The following TMEM223 variants were observed in gnomAD, a reference collection of about 807,000 sequenced individuals.
The protein encoded by TMEM223 is transmembrane protein 223.
A neutral mutation model predicts 14.1 loss-of-function variants in TMEM223; 14 were observed. The ratio of observed to expected loss-of-function variants is 0.99; its 90% confidence interval spans 0.66 to 1.55. TMEM223 has a LOEUF of 1.55. Ranked by LOEUF, TMEM223 falls within the 40% of genes most tolerant of loss-of-function variation. TMEM223 has a pLI of 0.00. For synonymous variants in TMEM223, 145 were observed against 120.5 expected, an observed-to-expected ratio of 1.20 and a Z score of -1.33; for missense variants, 346 against 269.9, an observed-to-expected ratio of 1.28 and a Z score of -1.97.
At chr11:62,781,571 G>A (rs1032600470) in intron 1 of TMEM223, among the ~76,000 whole-genome samples, 2 of 151,396 alleles carry the variant, frequency 1.3e-5, no homozygotes, top group Admixed American at 6.6e-5. Flanking sequence ...CTACTCGGGA[G>A]GCTGAGGCAG....
In TMEM223 at chr11:62,790,358, G is replaced by A. The variant is rs903154680; in HGVS notation, c.*265C>T. On this transcript the variant is annotated 3_prime_UTR_variant, in exon 2 of 2. Coordinates refer to ENST00000307366, the MANE Select transcript of TMEM223 (RefSeq NM_001080501.3). Reference sequence around the variant, plus strand: ...TTAGGCAGCTGCCCTAGGGATGACTGCTCCTTTATTTGTTGTTAATGAATC... The same window carrying A: ...TTAGGCAGCTGCCCTAGGGATGACTACTCCTTTATTTGTTGTTAATGAATC... 1 of 546,992 alleles carries A rather than the reference G, an allele frequency of 1.8e-6. No homozygotes were observed. The highest frequency in any genetic ancestry group is 3.2e-6 in the Non-Finnish European group (1 of 313,238). The allele number at this position is 546,992 out of a possible 1,614,324, so 33.9% of individuals were successfully genotyped here.
downstream of TMEM223, chr11:62,789,409 C>T: frequency 6.2e-7 from 1 of 1,613,900 alleles, no homozygotes; most frequent in South Asian, 1.1e-5. Flanking sequence ...CCATCATCTC[C>T]TTGAACACTA....
downstream of TMEM223, chr11:62,787,716 C>A: frequency 1.3e-6 from 1 of 764,868 alleles, no homozygotes; most frequent in Non-Finnish European, 2.1e-6. Context: ...CTGGCCAGGT[C>A]ATACTTCGAA....
intron 1 of TMEM223, chr11:62,775,874 G>C (rs2084184066): frequency 1.2e-6 from 2 of 1,614,042 alleles, no homozygotes; most frequent in East Asian, 4.5e-5. Flanking sequence ...GCTGAGCGAT[G>C]AGGTGGCGGC....
downstream of TMEM223, among the ~76,000 whole-genome samples, chr11:62,784,757 A>G (rs544975033): frequency 5.3e-5 from 8 of 152,200 alleles, no homozygotes; most frequent in Non-Finnish European, 1.0e-4. Context: ...TCCATGATAC[A>G]CTAAACTATG....
intron 1 of TMEM223, chr11:62,777,915 C>T: frequency 1.9e-6 from 3 of 1,582,090 alleles, no homozygotes; most frequent in Non-Finnish European, 2.6e-6. Flanking sequence ...GAGCCTCATC[C>T]TGGATCCTGA....
At chr11:62,772,077 T>A (rs1020470653) in exon 3 of TMEM223, 3 of 456,234 alleles carry the variant, frequency 6.6e-6, no homozygotes, top group Non-Finnish European at 1.3e-5. Flanking sequence ...CAGTGCTTAC[T>A]TCATGATCTT....
chr11:62,779,052 C>T, intron 1 of TMEM223: 1 of 1,142,326 alleles, frequency 8.8e-7, no homozygotes, highest in Admixed American at 1.9e-5. Flanking sequence ...CAGAGTTTCG[C>T]TCTTGTTGCC....
rs768293846 is a variant in TMEM223 at position 62,791,909 on chromosome 11, G to C, written c.86C>G (p.Thr29Arg). The change falls in exon 1 of 2, where the codon ACG becomes AGG. Residue 29 changes from threonine to arginine, a missense_variant. Thr to Arg is a moderately conservative substitution (Grantham distance 71). Transcript: ENST00000307366. ...LLTCRPLQGTTLQRDVLLFEH... is the reference protein window; with the variant it reads ...LLTCRPLQGTRLQRDVLLFEH... ...AAAGAGCAGCACATCCCGTTGCAGC[G>C]TCGTGCCTTGCAGGGGCCGGCAGGT... 31 of 1,600,634 alleles carry C rather than the reference G, an allele frequency of 1.9e-5. No individual in the cohort carries two copies. Among genetic ancestry groups the C allele is most frequent in the Non-Finnish European group, 2.6e-5 (31 of 1,174,130 alleles).
downstream of TMEM223, chr11:62,787,902 C>T (rs142016442): frequency 1.4e-3 from 764 of 531,582 alleles, 5 homozygotes; most frequent in African/African-American, 7.9e-3. Context: ...AGAAATAAAG[C>T]ATAGTGTAGT....
chr11:62,786,178 G>A, downstream of TMEM223: 1 of 1,522,348 alleles, frequency 6.6e-7, no homozygotes, highest in Non-Finnish European at 9.0e-7. Flanking sequence ...CAGAGATAAA[G>A]GTAGGTCTTT....
downstream of TMEM223, chr11:62,786,699 G>C (rs1448287611): frequency 5.0e-6 from 8 of 1,612,462 alleles, no homozygotes; most frequent in Non-Finnish European, 5.9e-6. Context: ...TGCCGCCAGG[G>C]GGCGCGGGGC....
At chr11:62,788,912 A>G (rs769767076), downstream of TMEM223, 4 of 1,246,242 alleles carry the variant, frequency 3.2e-6, no homozygotes, top group Non-Finnish European at 3.4e-6. Context: ...CGGTGCACAA[A>G]TAACTTCCTG....
In TMEM223 at chr11:62,790,441, GT is replaced by G. The variant is rs370883948; in HGVS notation, c.*181del. On this transcript the variant is annotated 3_prime_UTR_variant, in exon 2 of 2. Coordinates refer to ENST00000307366, the MANE Select transcript of TMEM223 (RefSeq NM_001080501.3). ...CATTCTAAGATTGGCGTTTTTTTTT[GT>G]TTTTTTTTTTGTAAATAGAGACAAG... 4,209 of 444,134 alleles carry G rather than the reference GT, an allele frequency of 9.5e-3. No individual in the cohort carries two copies. Among genetic ancestry groups the G allele is most frequent in the Non-Finnish European group, 0.01 (2,705 of 260,022 alleles). 27.5% of individuals were successfully genotyped at this position (444,134 alleles called of 1,614,324 possible). A position where few individuals can be genotyped will look rare whatever the true frequency, so the allele number is the denominator to read the frequency against.
chr11:62,781,309 T>C (rs1160287890), intron 1 of TMEM223, among the ~76,000 whole-genome samples: 1 of 152,034 alleles, frequency 6.6e-6, no homozygotes, highest in African/African-American at 2.4e-5. Context: ...GTATCAACTA[T>C]GATTACTCTC....
intron 1 of TMEM223, chr11:62,779,017 C>CTTTTTT: frequency 7.9e-7 from 1 of 1,263,840 alleles, no homozygotes; most frequent in African/African-American, 1.5e-5. Flanking sequence ...AATTCTAGAC[C>CTTTTTT]TGTTTTTTTT....
chr11:62,784,515 C>G (rs1486656913), downstream of TMEM223, among the ~76,000 whole-genome samples: 1 of 151,802 alleles, frequency 6.6e-6, no homozygotes, highest in African/African-American at 2.4e-5. Context: ...ACCGTGTTAG[C>G]CAGGATGGTC....
Position 62,790,072 on chromosome 11 carries a change from G to A in TMEM223, c.*551C>T, listed in dbSNP as rs777384962. Reference sequence around the variant, plus strand: ...AAGAATAAGCGGAGTGCTTCCTGCAGCCGAAGACTCCATGCCCAAGTGCCT... The same window carrying A: ...AAGAATAAGCGGAGTGCTTCCTGCAACCGAAGACTCCATGCCCAAGTGCCT... On this transcript the variant is annotated 3_prime_UTR_variant, in exon 2 of 2. Coordinates refer to ENST00000307366, the MANE Select transcript of TMEM223 (RefSeq NM_001080501.3). The A allele has an allele frequency of 1.9e-6, 3 of 1,583,100 alleles. No homozygotes were observed. Among genetic ancestry groups the A allele is most frequent in the African/African-American group, 2.7e-5 (2 of 74,096 alleles).
chr11:62,787,629 G>C (rs181800212), downstream of TMEM223: 7 of 1,369,954 alleles, frequency 5.1e-6, no homozygotes, highest in African/African-American at 8.8e-5. Context: ...GCTCGGAGCC[G>C]GTGGACCTGG....
Sources: gnomAD v4.1 joint callset for allele counts (sites outside exome capture counted in the v4.1 genomes callset) on GRCh38, gnomAD v4.1.1 for gene constraint, MANE v1.5 for transcripts, NCBI Gene and HGNC (gene_info 2026-07-23, HGNC 2026-07-21) for gene names.